The following CELF4 variants were observed in gnomAD, a reference collection of about 807,000 sequenced individuals.
CELF4 encodes the protein CUG-BP- and ETR-3-like factor 4.
Under a neutral mutation model 59.9 loss-of-function variants are expected in CELF4, and 18 were observed. The ratio of observed to expected loss-of-function variants is 0.30; its 90% CI spans 0.21 to 0.45. The LOEUF is 0.45. CELF4 is among the 20% of genes least tolerant of loss of function. CELF4 has a pLI of 1.00. For synonymous variants in CELF4, 261 were observed against 267.1 expected (o/e 0.98, Z 0.22); for missense variants, 456 against 689.0 (o/e 0.66, Z 3.79).
chr18:37,549,406 C>T (rs921904546), intron 1 of CELF4, among the ~76,000 whole-genome samples: 13 of 152,152 alleles, frequency 8.5e-5, no homozygotes, highest in Non-Finnish European at 1.6e-4. Context: ...CGAAAGGTTG[C>T]CCTTTGGCCA....
intron 3 of CELF4, among the ~76,000 whole-genome samples, chr18:37,282,950 A>C (rs2094328814): frequency 6.6e-6 from 1 of 152,110 alleles, no homozygotes; most frequent in Non-Finnish European, 1.5e-5. Flanking sequence ...GCTTGGGAAG[A>C]AGGCTGGAGG....
At chr18:37,259,080 C>T (rs759258354) in intron 11 of CELF4, 101 bp downstream of exon 11, 1 of 1,582,290 alleles carries the variant, frequency 6.3e-7, no homozygotes, top group Admixed American at 1.8e-5. Flanking sequence ...GAGCACCGCC[C>T]TGTCCTAGGT....
At position 37,253,646 on chromosome 18, in the gene CELF4, A is replaced by C. The variant is rs959608113; in HGVS notation, c.*44+121T>G. The stretch of plus-strand genomic sequence containing the variant: ...GAGGAGCAGGGCGAGGAGCAGGTTG[A>C]GCCGGGCGCAGCGGGTCCAAGGCAC... On this transcript the variant is annotated intron_variant, in intron 12 of 12. Coordinates refer to ENST00000420428, the MANE Select transcript of CELF4 (RefSeq NM_020180.4). This position sits in a 1 kb window ranked among gnomAD's most constrained non-coding sequence, Gnocchi z 4.5. 2.2e-5 allele frequency: 15 copies of C among 678,926 alleles called. No individual in the cohort carries two copies. In the African/African-American group the frequency reaches 2.7e-4, roughly 12 times the overall value. The allele number at this position is 678,926 out of a possible 1,614,324, so 42.1% of individuals were successfully genotyped here. A position where few individuals can be genotyped will look rare whatever the true frequency, so the allele number is the denominator to read the frequency against.
At chr18:37,312,047 C>A (rs565776604) in intron 3 of CELF4, among the ~76,000 whole-genome samples, 1 of 132,248 alleles carries the variant, frequency 7.6e-6, no homozygotes. Context: ...GGAGGTGGAA[C>A]TTGCAGTGAG....
In CELF4 at chr18:37,565,638, A is replaced by G; in HGVS notation, c.4T>C (p.Tyr2His). The G allele has an allele frequency of 6.3e-7, 1 of 1,580,592 alleles. No individual in the cohort carries two copies. The highest frequency in any genetic ancestry group is 8.6e-7 in the Non-Finnish European group (1 of 1,162,424). The change falls in exon 1 of 13, where the codon TAT becomes CAT. Residue 2 changes from tyrosine to histidine, a missense_variant. This residue lies in a region of CELF4 where 70 missense variants were observed against 69.5 expected (regional missense o/e 1.01). Coordinates refer to ENST00000420428, the MANE Select transcript of CELF4 (RefSeq NM_020180.4). ...TTTGCTAACGTGGCCATCTTTATATACATAGAGAAAATCTTCTTTCCTTTT... is the reference window on the plus strand; with the variant it reads ...TTTGCTAACGTGGCCATCTTTATATGCATAGAGAAAATCTTCTTTCCTTTT... MYIKMATLANGQ... is the reference protein window; with the variant it reads MHIKMATLANGQ...
chr18:37,260,246 A>G (rs2073449184), intron 10 of CELF4, among the ~76,000 whole-genome samples: 1 of 152,216 alleles, frequency 6.6e-6, no homozygotes, highest in Admixed American at 6.5e-5. Context: ...GATCCCCTGA[A>G]CACTATGCAG....
intron 2 of CELF4, among the ~76,000 whole-genome samples, chr18:37,454,284 G>A (rs1236342330): frequency 6.6e-6 from 1 of 151,930 alleles, no homozygotes; most frequent in East Asian, 1.9e-4. Flanking sequence ...TCTCAACTCT[G>A]AGCATCTCCT....
chr18:37,497,516 G>A (rs907021928), intron 1 of CELF4, among the ~76,000 whole-genome samples: 4 of 152,142 alleles, frequency 2.6e-5, no homozygotes, highest in African/African-American at 9.7e-5. Context: ...GTTGGGCATG[G>A]TGGCATGTGC....
At chr18:37,531,303 G>GC (rs1290440745) in intron 1 of CELF4, among the ~76,000 whole-genome samples, 1 of 152,066 alleles carries the variant, frequency 6.6e-6, no homozygotes, top group Admixed American at 6.6e-5. Flanking sequence ...CTTCTTTGCA[G>GC]CCCCCCAAGG....
chr18:37,396,169 A>G (rs2099242732), intron 2 of CELF4, among the ~76,000 whole-genome samples: 1 of 152,116 alleles, frequency 6.6e-6, no homozygotes, highest in South Asian at 2.1e-4. Context: ...GACTTGTCAC[A>G]TTTCTCTCAG....
rs1197708150 is a variant in CELF4 at position 37,254,457 on chromosome 18, G to T, written c.1334-519C>A. On this transcript the variant is annotated intron_variant, in intron 11 of 12. Transcript: ENST00000420428. This position sits in a 1 kb window ranked among gnomAD's most constrained non-coding sequence, Gnocchi z 5.1. ...AAACTTCTCCACCGCCGGCCCGGCC[G>T]CCCCCCTCGCCACCGCAGGTGCCCG... Among the ~76,000 whole-genome samples, 1 of 151,724 alleles carries T rather than the reference G, an allele frequency of 6.6e-6. No individual in the cohort carries two copies. The highest frequency in any genetic ancestry group is 1.5e-5 in the Non-Finnish European group (1 of 67,862).
intron 1 of CELF4, among the ~76,000 whole-genome samples, chr18:37,563,291 G>A (rs1431476640): frequency 6.6e-6 from 1 of 152,080 alleles, no homozygotes; most frequent in East Asian, 1.9e-4. Context: ...AGCAAATAAA[G>A]TGCTTTAATC....
chr18:37,557,997 C>T (rs371516645), intron 1 of CELF4, among the ~76,000 whole-genome samples: 27 of 100,740 alleles, frequency 2.7e-4, no homozygotes, highest in South Asian at 3.5e-4. Flanking sequence ...ATCCCTTTTA[C>T]TTTTTTTTTT....
At chr18:37,378,241 G>A (rs539410038) in intron 2 of CELF4, among the ~76,000 whole-genome samples, 24 of 152,178 alleles carry the variant, frequency 1.6e-4, no homozygotes, top group African/African-American at 5.8e-4. Flanking sequence ...CCCCAGGAGC[G>A]GAAGGTGCTT....
At chr18:37,430,673 G>T (rs192472546) in intron 2 of CELF4, among the ~76,000 whole-genome samples, 5 of 152,320 alleles carry the variant, frequency 3.3e-5, no homozygotes, top group East Asian at 3.9e-4. Context: ...GAGCAGAATG[G>T]GGGGAGCACT....
chr18:37,442,855 C>T (rs987971456), intron 2 of CELF4, among the ~76,000 whole-genome samples: 7 of 152,174 alleles, frequency 4.6e-5, no homozygotes, highest in Non-Finnish European at 5.9e-5. Flanking sequence ...ATAATCTCCC[C>T]CTCTCCGTCC....
chr18:37,436,936 T>A (rs1052387847), intron 2 of CELF4, among the ~76,000 whole-genome samples: 1 of 152,232 alleles, frequency 6.6e-6, no homozygotes, highest in African/African-American at 2.4e-5. Context: ...ATAATGCAGA[T>A]TAATTTATTA....
chr18:37,541,443 C>G (rs2099977730), intron 1 of CELF4, among the ~76,000 whole-genome samples: 2 of 152,184 alleles, frequency 1.3e-5, no homozygotes, highest in Non-Finnish European at 2.9e-5. Flanking sequence ...CGCACCTTCA[C>G]TGCCCTTCTT....
intron 1 of CELF4, among the ~76,000 whole-genome samples, chr18:37,524,786 G>A (rs2099961716): frequency 6.6e-6 from 1 of 152,154 alleles, no homozygotes; most frequent in Admixed American, 6.5e-5. Context: ...CCGCTGGGGT[G>A]CGCAGCTGCG....
Sources: allele counts gnomAD v4.1 joint callset (sites outside exome capture counted in the v4.1 genomes callset), GRCh38; gene constraint gnomAD v4.1.1; regional missense constraint gnomAD v4.1.1; non-coding constraint Gnocchi (gnomAD v3.1); transcripts MANE v1.5; gene names NCBI Gene and HGNC (gene_info 2026-07-23, HGNC 2026-07-21).